Variants in CNTNAP3 observed in about 807,000 individuals in gnomAD.
CNTNAP3 encodes contactin-associated protein-like 3.
CNTNAP3 carries 36 observed loss-of-function variants against 92.1 expected under a neutral mutation model. The observed-to-expected ratio is 0.39, with a 90% CI of 0.30 to 0.52. The LOEUF (loss-of-function observed/expected upper bound fraction) is 0.52, where lower values mean the gene tolerates loss of function less well. Ranked by LOEUF, CNTNAP3 falls within the 20% of genes least tolerant of loss-of-function variation. CNTNAP3 has a pLI of 0.76. For synonymous variants in CNTNAP3, 232 were observed against 422.3 expected, an observed-to-expected ratio of 0.55 and a Z score of 5.53; for missense variants, 534 against 1,069.6, an observed-to-expected ratio of 0.50 and a Z score of 6.98.
intron 12 of CNTNAP3, 130 bp from the exon 13 acceptor site, chr9:39,133,265 T>A: frequency 7.5e-6 from 9 of 1,199,862 alleles, no homozygotes. Flanking sequence ...TTGCCGCGAT[T>A]TGAGGAGTTG....
intron 17 of CNTNAP3, among the ~76,000 whole-genome samples, chr9:39,100,933 G>T (rs1826442427): frequency 6.6e-6 from 1 of 150,482 alleles, no homozygotes; most frequent in African/African-American, 2.4e-5. Flanking sequence ...ATTCCAATTC[G>T]GTGGGCCTAA....
At chr9:39,077,732 C>T (rs12378646) in intron 23 of CNTNAP3, among the ~76,000 whole-genome samples, 20,585 of 151,252 alleles carry the variant, frequency 0.14, 216 homozygotes, top group East Asian at 0.22. Context: ...ACTTCAGGTC[C>T]GTCCAACAGT....
At chr9:39,081,371 A>G (rs1361379501) in intron 21 of CNTNAP3, among the ~76,000 whole-genome samples, 2 of 151,800 alleles carry the variant, frequency 1.3e-5, no homozygotes, top group East Asian at 2.0e-4. Flanking sequence ...TCAAAAATGT[A>G]TGGTGACCTG....
intron 21 of CNTNAP3, among the ~76,000 whole-genome samples, chr9:39,084,411 G>A (rs1250282964): frequency 1.3e-5 from 2 of 151,782 alleles, no homozygotes; most frequent in East Asian, 3.9e-4. Context: ...AGCCAGGATG[G>A]TCTGGATCTC....
intron 14 of CNTNAP3, among the ~76,000 whole-genome samples, chr9:39,110,215 G>A (rs1826710636): frequency 6.6e-6 from 1 of 152,124 alleles, no homozygotes; most frequent in Admixed American, 6.6e-5. Context: ...GGGCAACATA[G>A]TGAGGCCCCG....
intron 18 of CNTNAP3, among the ~76,000 whole-genome samples, chr9:39,091,653 A>C (rs1372527659): frequency 6.6e-6 from 1 of 151,826 alleles, no homozygotes; most frequent in African/African-American, 2.4e-5. Flanking sequence ...TGGTCTGTAG[A>C]TTTAAAATAT....
At chr9:39,115,044 G>A (rs950216816) in intron 14 of CNTNAP3, among the ~76,000 whole-genome samples, 16 of 151,260 alleles carry the variant, frequency 1.1e-4, no homozygotes, top group African/African-American at 3.9e-4. Flanking sequence ...TCTTTGGCAT[G>A]TTATAGTTAT....
At position 39,231,042 on chromosome 9, in the gene CNTNAP3, TTCAGAATAAAGGTTTTATTA is replaced by T. The variant is rs950853052; in HGVS notation, c.390+7931_390+7950del. 2.1e-4 allele frequency among the ~76,000 whole-genome samples: 2 copies of T among 9,668 alleles called. 1 individual carries two copies. Among genetic ancestry groups the T allele is most frequent in the African/African-American group, 3.3e-4 (2 of 6,128 alleles). 6.3% of individuals were successfully genotyped at this position (9,668 alleles called of 152,430 possible). On this transcript the variant is annotated intron_variant, in intron 3 of 23. Transcript: ENST00000297668. ...TTATTCTGAAAAATATAATAAAACCTTCAGAATAAAGGTTTTATTATTAAAACTCAGACCCAATTAAAATT... is the reference window on the plus strand; with the variant it reads ...TTATTCTGAAAAATATAATAAAACCTTTAAAACTCAGACCCAATTAAAATT...
At chr9:39,088,182 T>C (rs1430038732) in intron 19 of CNTNAP3, among the ~76,000 whole-genome samples, 2 of 152,052 alleles carry the variant, frequency 1.3e-5, no homozygotes, top group African/African-American at 2.4e-5. Context: ...ATAAGAAATA[T>C]AACTGCATAT....
chr9:39,109,318 T>C, intron 14 of CNTNAP3, 31 bp from the exon 15 acceptor site: 4 of 1,609,236 alleles, frequency 2.5e-6, no homozygotes, highest in Middle Eastern at 2.3e-4. Flanking sequence ...CCATTAAAAT[T>C]ATTCTGATTA....
Position 39,127,646 on chromosome 9 carries a change from A to AAATC in CNTNAP3, c.2080+5282_2080+5285dup, listed in dbSNP as rs537559559. 1.5e-4 allele frequency among the ~76,000 whole-genome samples: 23 copies of AAATC among 152,266 alleles called. No homozygotes were observed. In the South Asian group the frequency reaches 4.6e-3, roughly 30 times the overall value. ...GAAAATACTATAAATAATTCTACAC[A>AAATC]AATCAACTTGACAATTCAGATTAAT... On this transcript the variant is annotated intron_variant, in intron 13 of 23. Coordinates refer to ENST00000297668, the MANE Select transcript of CNTNAP3 (RefSeq NM_033655.5).
At chr9:39,115,243 C>A (rs1319540436) in intron 14 of CNTNAP3, among the ~76,000 whole-genome samples, 1 of 150,454 alleles carries the variant, frequency 6.6e-6, no homozygotes, top group Non-Finnish European at 1.5e-5. Context: ...TTTCACTTTA[C>A]TTTCATTCCC....
At chr9:39,154,870 G>A (rs1034075620) in intron 9 of CNTNAP3, 10 of 225,514 alleles carry the variant, frequency 4.4e-5, no homozygotes, top group East Asian at 3.0e-4. Flanking sequence ...ATGCCTTTCC[G>A]GTGGGGAAGA....
chr9:39,113,943 A>T (rs1043327974), intron 14 of CNTNAP3, among the ~76,000 whole-genome samples: 4 of 151,590 alleles, frequency 2.6e-5, no homozygotes, highest in African/African-American at 7.3e-5. Context: ...TTGCCTTTGC[A>T]TATTTGTTAA....
intron 13 of CNTNAP3, among the ~76,000 whole-genome samples, chr9:39,121,350 A>G (rs1821014206): frequency 6.6e-6 from 1 of 152,182 alleles, no homozygotes; most frequent in African/African-American, 2.4e-5. Flanking sequence ...ACATAAATGT[A>G]TATGCAAGAA....
At chr9:39,120,626 T>C (rs1420281617) in intron 13 of CNTNAP3, among the ~76,000 whole-genome samples, 3 of 152,100 alleles carry the variant, frequency 2.0e-5, no homozygotes, top group Admixed American at 6.5e-5. Flanking sequence ...GCCGAGATTG[T>C]GCCACTGCAC....
intron 15 of CNTNAP3, among the ~76,000 whole-genome samples, chr9:39,104,340 G>T (rs1044927727): frequency 6.6e-6 from 1 of 150,506 alleles, no homozygotes; most frequent in Non-Finnish European, 1.5e-5. Flanking sequence ...AGGCAGGTTC[G>T]AGCAGCAGCT....
rs1272771085 is a variant in CNTNAP3, at chr9:39,140,586, C to T, written c.1809G>A (p.Gly603=). 1 of 1,613,508 alleles carries T rather than the reference C, an allele frequency of 6.2e-7. No homozygotes were observed. Among genetic ancestry groups the T allele is most frequent in the Non-Finnish European group, 8.5e-7 (1 of 1,179,740 alleles). ...TTCCATCTGCATCAATATAGTAAAG[C>T]CCAGACGGGTTCCCTCGGTGCTTGT... ...EAHKHRGNPS[G]LYYIDADGSG... Residue 603 remains glycine (G), a synonymous_variant, in exon 12 of 24, where the codon GGG becomes GGA. Coordinates refer to ENST00000297668, the MANE Select transcript of CNTNAP3 (RefSeq NM_033655.5).
At chr9:39,119,814 C>A (rs907951430) in intron 13 of CNTNAP3, among the ~76,000 whole-genome samples, 1 of 151,986 alleles carries the variant, frequency 6.6e-6, no homozygotes, top group Admixed American at 6.6e-5. Flanking sequence ...CTGGAAGATA[C>A]AATAACATAA....
Sources: allele counts gnomAD v4.1 joint callset (sites outside exome capture counted in the v4.1 genomes callset), GRCh38; gene constraint gnomAD v4.1.1; transcripts MANE v1.5; gene names NCBI Gene and HGNC (gene_info 2026-07-23, HGNC 2026-07-21).